Variants in SPECC1L observed in about 807,000 individuals in gnomAD.
The protein encoded by SPECC1L is cytospin-A.
A neutral mutation model predicts 116.8 loss-of-function variants in SPECC1L; 40 were observed. The ratio of observed to expected loss-of-function variants is 0.34; its 90% confidence interval spans 0.27 to 0.45. The LOEUF (loss-of-function observed/expected upper bound fraction) is 0.45. Ranked by LOEUF, SPECC1L falls within the 20% of genes least tolerant of loss-of-function variation. The probability of loss-of-function intolerance (pLI) is 1.00; values close to 1 mark genes in which losing one functional copy is unlikely to be tolerated. For synonymous variants in SPECC1L, 504 were observed against 500.6 expected, an observed-to-expected ratio of 1.01 and a Z score of -0.09; for missense variants, 1,110 against 1,373.6, an observed-to-expected ratio of 0.81 and a Z score of 3.03.
At chr22:24,368,346 A>T (rs1428895227) in intron 13 of SPECC1L, among the ~76,000 whole-genome samples, 1 of 152,158 alleles carries the variant, frequency 6.6e-6, no homozygotes, top group Admixed American at 6.5e-5. Context: ...CTCCATAAGG[A>T]GATGTTGAAT....
intron 14 of SPECC1L, among the ~76,000 whole-genome samples, chr22:24,372,694 G>A (rs28859959): frequency 1.3e-5 from 2 of 150,914 alleles, no homozygotes; most frequent in Non-Finnish European, 2.9e-5. Context: ...AACTGGAAGC[G>A]TTCCCTTTGA....
At chr22:24,355,993 CT>C (rs2041525536) in intron 11 of SPECC1L, among the ~76,000 whole-genome samples, 1 of 152,154 alleles carries the variant, frequency 6.6e-6, no homozygotes, top group Admixed American at 6.5e-5. Context: ...TAGTCAACCC[CT>C]ACCATACACC....
Position 24,324,202 on chromosome 22 carries a change from A to G in SPECC1L, c.1939-18A>G, listed in dbSNP as rs776864833. ...CAACTCTTAACTTTTCTAAATCTGC[A>G]TCGTCAATTTTACGTAGGTAGAGGA... On this transcript the variant is annotated intron_variant, in intron 5 of 16. Transcript: ENST00000314328. 1 of 1,604,804 alleles carries G rather than the reference A, an allele frequency of 6.2e-7. No homozygotes were observed. The highest frequency in any genetic ancestry group is 8.5e-7 in the Non-Finnish European group (1 of 1,171,748).
chr22:24,376,087 A>G (rs1289105147), intron 14 of SPECC1L, among the ~76,000 whole-genome samples: 1 of 152,200 alleles, frequency 6.6e-6, no homozygotes, highest in Non-Finnish European at 1.5e-5. Context: ...TCTATTCAAC[A>G]TTTTTCTGCA....
At chr22:24,387,763 C>G (rs1045013973) in intron 14 of SPECC1L, among the ~76,000 whole-genome samples, 10 of 152,182 alleles carry the variant, frequency 6.6e-5, no homozygotes, top group African/African-American at 2.4e-4. Flanking sequence ...TAAAACAACA[C>G]ATATTTTTCA....
At chr22:24,320,092 G>A (rs748877886) in intron 4 of SPECC1L, among the ~76,000 whole-genome samples, 9 of 152,116 alleles carry the variant, frequency 5.9e-5, no homozygotes, top group Non-Finnish European at 8.8e-5. Flanking sequence ...TGGCCAACAT[G>A]GTGAAACCCT....
At chr22:24,295,144 C>G (rs1471347993) in intron 2 of SPECC1L, among the ~76,000 whole-genome samples, 1 of 150,728 alleles carries the variant, frequency 6.6e-6, no homozygotes, top group Admixed American at 6.6e-5. Context: ...CTGAGGAGCA[C>G]TGGGACATTC....
Position 24,338,453 on chromosome 22 carries a change from T to G in SPECC1L, c.2628T>G (p.Pro876=). 1.2e-6 allele frequency: 2 copies of G among 1,614,082 alleles called. No homozygotes were observed. Among genetic ancestry groups the G allele is most frequent in the Non-Finnish European group, 1.7e-6 (2 of 1,179,968 alleles). The change falls in exon 10 of 17, where the codon CCT becomes CCG. Residue 876 remains proline (P), a synonymous_variant. Coordinates refer to ENST00000314328, the MANE Select transcript of SPECC1L (RefSeq NM_015330.6). The stretch of plus-strand genomic sequence containing the variant: ...GCCCAAGTCCTATGAAAACCCCTCC[T>G]GCAGCAGCTGTGTCCCCTATGCAGG... ...PLSPSPMKTP[P]AAAVSPMQRH... is the part of the protein sequence containing the mutation.
At chr22:24,396,249 G>A (rs1012610841) in intron 14 of SPECC1L, among the ~76,000 whole-genome samples, 6 of 152,046 alleles carry the variant, frequency 3.9e-5, no homozygotes, top group Non-Finnish European at 7.4e-5. Context: ...AGGAGGAACA[G>A]AATGCAGTCT....
chr22:24,281,212 A>G lies in SPECC1L; in HGVS notation c.-38+4409A>G, dbSNP rs183015144. ...CATGTTTTCACTATGGAAAATTTCAAACATTTACAAAGTAGAGAGAAAAAT... is the reference window on the plus strand; with the variant it reads ...CATGTTTTCACTATGGAAAATTTCAGACATTTACAAAGTAGAGAGAAAAAT... On this transcript the variant is annotated intron_variant, in intron 2 of 16. Coordinates refer to ENST00000314328, the MANE Select transcript of SPECC1L (RefSeq NM_015330.6). Among the ~76,000 whole-genome samples the G allele has an allele frequency of 4.6e-5, 7 of 152,348 alleles. No homozygotes were observed. The East Asian group carries it at 1.3e-3, about 29-fold the overall frequency.
chr22:24,317,820 G>T (rs976606371), intron 4 of SPECC1L, among the ~76,000 whole-genome samples: 2 of 151,254 alleles, frequency 1.3e-5, no homozygotes, highest in Non-Finnish European at 2.9e-5. Flanking sequence ...CGGTTGCCAG[G>T]CAGAGGGTCT....
chr22:24,317,888 G>A (rs1271130313), intron 4 of SPECC1L, among the ~76,000 whole-genome samples: 1 of 151,826 alleles, frequency 6.6e-6, no homozygotes, highest in Non-Finnish European at 1.5e-5. Flanking sequence ...CGGACGGGGC[G>A]ACAGGGCAGA....
intron 1 of SPECC1L, among the ~76,000 whole-genome samples, chr22:24,275,171 G>A (rs2048812272): frequency 6.6e-6 from 1 of 152,250 alleles, no homozygotes; most frequent in Admixed American, 6.5e-5. Flanking sequence ...CTCGTCTGCG[G>A]CCTCCACTGG....
chr22:24,400,891 TTA>T (rs1191475923), intron 14 of SPECC1L, among the ~76,000 whole-genome samples: 1 of 152,260 alleles, frequency 6.6e-6, no homozygotes, highest in African/African-American at 2.4e-5. Context: ...TTGCTCATTT[TTA>T]TGTTTGGGCA....
intron 11 of SPECC1L, among the ~76,000 whole-genome samples, chr22:24,350,643 T>C (rs2146576804): frequency 1.3e-5 from 2 of 152,292 alleles, no homozygotes; most frequent in Middle Eastern, 3.4e-3. Flanking sequence ...CTACACAAGT[T>C]GTGTCCTAGG....
In SPECC1L at chr22:24,415,511, TCTAAACAA is replaced by T. The variant is rs1203681460; in HGVS notation, c.*890_*897del. On this transcript the variant is annotated 3_prime_UTR_variant, in exon 17 of 17. Transcript: ENST00000314328. ...TACATTGTTTCAATAAGCATAGAAA[TCTAAACAA>T]CATCTGTACATTAGCATGGTGAGAG... is the stretch of plus-strand genomic sequence containing the variant. 2.0e-5 allele frequency: 3 copies of T among 152,538 alleles called. No homozygotes were observed. The highest frequency in any genetic ancestry group is 2.0e-4 in the Admixed American group (3 of 15,274). 9.4% of individuals were successfully genotyped at this position (152,538 alleles called of 1,614,324 possible).
intron 14 of SPECC1L, 70 bp from the exon 15 acceptor site, chr22:24,411,518 C>A: frequency 7.2e-7 from 1 of 1,397,900 alleles, no homozygotes; most frequent in Non-Finnish European, 1.0e-6. Context: ...AGGCCTCCTG[C>A]GTCCTCCTTG....
intron 14 of SPECC1L, among the ~76,000 whole-genome samples, chr22:24,408,113 G>T (rs9608282): frequency 0.064 from 9,765 of 152,216 alleles, 417 homozygotes; most frequent in South Asian, 0.12. Flanking sequence ...TAGGGCAAGG[G>T]TTCCTGTCCT....
intron 2 of SPECC1L, among the ~76,000 whole-genome samples, chr22:24,297,548 T>C (rs1312784574): frequency 1.1e-4 from 16 of 152,198 alleles, no homozygotes; most frequent in Admixed American, 2.0e-4. Flanking sequence ...TATATATGAT[T>C]GTGTCATGCG....
Sources: gnomAD v4.1 joint callset for allele counts (sites outside exome capture counted in the v4.1 genomes callset) on GRCh38, gnomAD v4.1.1 for gene constraint, MANE v1.5 for transcripts, NCBI Gene and HGNC (gene_info 2026-07-23, HGNC 2026-07-21) for gene names.